FARP1: variants seen among roughly 807,000 people sequenced by gnomAD.
The protein encoded by FARP1 is FERM, ARH/RhoGEF and pleckstrin domain protein 1.
Under a neutral mutation model 128.8 loss-of-function variants are expected in FARP1, and 52 were observed. The ratio of observed to expected loss-of-function variants is 0.40; its 90% confidence interval spans 0.32 to 0.51. The LOEUF (loss-of-function observed/expected upper bound fraction) is 0.51. FARP1 is among the 20% of genes least tolerant of loss of function. FARP1 has a pLI of 0.45. For synonymous variants in FARP1, 580 were observed against 551.8 expected, an observed-to-expected ratio of 1.05 and a Z score of -0.72; for missense variants, 1,333 against 1,367.9, an observed-to-expected ratio of 0.97 and a Z score of 0.40.
At chr13:98,423,968 C>T (rs1891686985) in intron 16 of FARP1, among the ~76,000 whole-genome samples, 1 of 152,342 alleles carries the variant, frequency 6.6e-6, no homozygotes, top group Non-Finnish European at 1.5e-5. Flanking sequence ...CCACGCCTCT[C>T]TCTCTTCCTG....
chr13:98,438,659 C>G (rs1892393784), intron 19 of FARP1, 145 bp from the exon 20 acceptor site: 1 of 643,480 alleles, frequency 1.6e-6, no homozygotes, highest in Admixed American at 2.6e-5. Flanking sequence ...AGTAGGTTTG[C>G]ACGCTCGCAG....
chr13:98,176,112 C>T lies in FARP1; in HGVS notation c.-24+32620C>T. 1.3e-6 allele frequency: 2 copies of T among 1,516,970 alleles called. No individual in the cohort carries two copies. Among genetic ancestry groups the T allele is most frequent in the Non-Finnish European group, 1.8e-6 (2 of 1,097,348 alleles). The allele number at this position is 1,516,970 out of a possible 1,614,324, so 94.0% of individuals were successfully genotyped here. On this transcript the variant is annotated intron_variant, in intron 1 of 26. Coordinates refer to ENST00000319562, the MANE Select transcript of FARP1 (RefSeq NM_005766.4). The surrounding 1 kb of genome is among the most constrained non-coding windows in gnomAD (Gnocchi z 6.2). The stretch of plus-strand genomic sequence containing the variant: ...GCAGGAAGACTGTCATCTCTCTCAT[C>T]TTACTCAACAGGCTGCTTCTCCCCA...
chr13:98,454,650 G>A lies in FARP1; in HGVS notation c.*6333G>A, dbSNP rs879561714. On this transcript the variant is annotated 3_prime_UTR_variant, in exon 27 of 27. Coordinates refer to ENST00000319562, the MANE Select transcript of FARP1 (RefSeq NM_005766.4). ...TCTGAAAATGCTTCAGAGGAGAGGC[G>A]GCTCTCATTTTTCCTACAGCCATCC... 3.3e-5 allele frequency: 5 copies of A among 152,138 alleles called. No individual in the cohort carries two copies. Among genetic ancestry groups the A allele is most frequent in the African/African-American group, 7.2e-5 (3 of 41,426 alleles). The allele number at this position is 152,138 out of a possible 1,614,324, so 9.4% of individuals were successfully genotyped here.
chr13:98,256,948 G>GCTATAT (rs59128917), intron 2 of FARP1, among the ~76,000 whole-genome samples: 1 of 77,076 alleles, frequency 1.3e-5, no homozygotes, highest in Non-Finnish European at 2.7e-5. Context: ...TATATATGTG[G>GCTATAT]ATATATATAT....
At chr13:98,390,231 A>G (rs1890257246) in intron 10 of FARP1, 111 bp downstream of exon 10, 2 of 1,198,678 alleles carry the variant, frequency 1.7e-6, no homozygotes, top group African/African-American at 1.5e-5. Context: ...ATTGGCCTCC[A>G]GGAGCTATGG....
intron 2 of FARP1, among the ~76,000 whole-genome samples, chr13:98,294,946 G>A (rs1245536529): frequency 1.3e-5 from 2 of 151,588 alleles, no homozygotes; most frequent in Non-Finnish European, 2.9e-5. Context: ...GATCCCGAGA[G>A]GCAGAGGTTG....
chr13:98,306,521 C>CTT (rs145068057), intron 2 of FARP1, among the ~76,000 whole-genome samples: 3,154 of 148,620 alleles, frequency 0.021, 55 homozygotes, highest in South Asian at 0.068. Context: ...TTCTTTCTTT[C>CTT]TTTTTTGTTT....
rs200051893 is a variant in FARP1, at chr13:98,389,961, C to T, written c.860C>T (p.Ala287Val). The change falls in exon 10 of 27, where the codon GCG becomes GTG. Residue 287 changes from alanine to valine, a missense_variant. By Grantham distance (64) the Ala-to-Val change is moderately conservative. This residue lies in a region of FARP1 where 324 missense variants were observed against 398.1 expected (regional missense o/e 0.81). Transcript: ENST00000319562. Reference protein sequence around the residue: ...LIKLRPDANSAYQDTLEFLMA... With the variant: ...LIKLRPDANSVYQDTLEFLMA... Reference sequence around the variant, plus strand: ...CGTTGTATTTTCCCTTTTTAGAGTGCGTACCAGGATACCTTGGAATTCCTG... The same window carrying T: ...CGTTGTATTTTCCCTTTTTAGAGTGTGTACCAGGATACCTTGGAATTCCTG... 2.4e-5 allele frequency: 39 copies of T among 1,613,836 alleles called. No individual in the cohort carries two copies. Among genetic ancestry groups the T allele is most frequent in the Admixed American group, 1.3e-4 (8 of 59,978 alleles).
chr13:98,324,331 T>C (rs751470586), intron 2 of FARP1, among the ~76,000 whole-genome samples: 10 of 152,202 alleles, frequency 6.6e-5, no homozygotes, highest in Non-Finnish European at 1.5e-4. Context: ...TTTGGCAGTA[T>C]GGAAAAGCGA....
At position 98,243,742 on chromosome 13, in the gene FARP1, T is replaced by A. The variant is rs1006229429; in HGVS notation, c.171+30329T>A. On this transcript the variant is annotated intron_variant, in intron 2 of 26. Transcript: ENST00000319562. The stretch of plus-strand genomic sequence containing the variant: ...AATCTGTATAACTTGCATTGCCCTT[T>A]CAGGTAATTAATCACCCTTTTTTTC... Among the ~76,000 whole-genome samples the A allele has an allele frequency of 5.3e-5, 8 of 151,910 alleles. No homozygotes were observed. The South Asian group carries it at 1.2e-3, about 24-fold the overall frequency.
intron 1 of FARP1, among the ~76,000 whole-genome samples, chr13:98,169,032 T>G (rs1035401032): frequency 3.3e-5 from 5 of 152,232 alleles, no homozygotes; most frequent in African/African-American, 9.7e-5. Context: ...ACTGTTTTTT[T>G]TTGTTGTTAA....
chr13:98,387,217 C>G (rs1195809389), intron 8 of FARP1, among the ~76,000 whole-genome samples: 3 of 152,126 alleles, frequency 2.0e-5, no homozygotes, highest in Non-Finnish European at 4.4e-5. Context: ...AGGAGAATCG[C>G]TTGAATTTGG....
chr13:98,431,238 A>G lies in FARP1; in HGVS notation c.2101A>G (p.Lys701Glu). Reference sequence around the variant, plus strand: ...CAAGCAGGTCCTGGAGCGGCTGTGCAAACACCACCCGCCGAGCCACGCCGA... The same window carrying G: ...CAAGCAGGTCCTGGAGCGGCTGTGCGAACACCACCCGCCGAGCCACGCCGA... ...HYKQVLERLC[K>E]HHPPSHADFR... is the part of the protein sequence containing the mutation. The change falls in exon 18 of 27, where the codon AAA becomes GAA. Residue 701 changes from lysine (K) to glutamate (E), a missense_variant. Transcript: ENST00000319562. 1 of 1,577,136 alleles carries G rather than the reference A, an allele frequency of 6.3e-7. No homozygotes were observed. The highest frequency in any genetic ancestry group is 1.1e-5 in the South Asian group (1 of 87,168).
At chr13:98,284,271 C>T (rs1236045261) in intron 2 of FARP1, among the ~76,000 whole-genome samples, 1 of 152,072 alleles carries the variant, frequency 6.6e-6, no homozygotes, top group East Asian at 1.9e-4. Context: ...CAGTGTGGCC[C>T]AGGGAAACCA....
intron 1 of FARP1, among the ~76,000 whole-genome samples, chr13:98,153,400 A>G (rs1876201338): frequency 1.1e-5 from 1 of 87,158 alleles, no homozygotes; most frequent in Non-Finnish European, 2.9e-5. Context: ...ATAATACATT[A>G]TATATAAATA....
At chr13:98,397,675 G>A (rs149312051) in intron 13 of FARP1, 1 of 152,060 alleles carries the variant, frequency 6.6e-6, no homozygotes, top group Non-Finnish European at 1.5e-5. Flanking sequence ...CCTGACCCTA[G>A]GGATTTTGAT....
intron 6 of FARP1, among the ~76,000 whole-genome samples, chr13:98,380,761 T>C (rs1200363974): frequency 1.3e-5 from 2 of 152,128 alleles, no homozygotes; most frequent in Non-Finnish European, 2.9e-5. Context: ...TATTTTTTTG[T>C]AGAGCTGAGG....
At chr13:98,262,019 C>A (rs1209962930) in intron 2 of FARP1, among the ~76,000 whole-genome samples, 2 of 148,268 alleles carry the variant, frequency 1.3e-5, no homozygotes, top group Non-Finnish European at 3.0e-5. Context: ...CCCCGCCCCC[C>A]CAACTTTTTT....
intron 3 of FARP1, among the ~76,000 whole-genome samples, chr13:98,349,918 C>G (rs1026249074): frequency 6.6e-6 from 1 of 152,076 alleles, no homozygotes; most frequent in African/African-American, 2.4e-5. Flanking sequence ...GGTTTCTAGA[C>G]CCTGCTGGAG....
Sources: gnomAD v4.1 joint callset for allele counts (sites outside exome capture counted in the v4.1 genomes callset) on GRCh38, gnomAD v4.1.1 for gene constraint, gnomAD v4.1.1 regional missense constraint, Gnocchi (gnomAD v3.1) non-coding constraint, MANE v1.5 for transcripts, NCBI Gene and HGNC (gene_info 2026-07-23, HGNC 2026-07-21) for gene names.